The following VEGFD variants were observed in gnomAD, a reference collection of about 807,000 sequenced individuals.
VEGFD encodes the protein c-fos induced growth factor (vascular endothelial growth factor D).
In VEGFD, 26 loss-of-function variants were observed where a neutral mutation model predicts 28.0. The ratio of observed to expected loss-of-function variants is 0.93; its 90% CI spans 0.68 to 1.29. The LOEUF is 1.29. VEGFD is among the 50% of genes most tolerant of loss of function. VEGFD has a pLI of 0.00. For synonymous variants in VEGFD, 93 were observed against 95.5 expected, an observed-to-expected ratio of 0.97 and a Z score of 0.15; for missense variants, 294 against 273.4, an observed-to-expected ratio of 1.08 and a Z score of -0.53.
At chrX:15,367,800 C>G (rs1309062840) in intron 1 of VEGFD, among the ~76,000 whole-genome samples, 2 of 107,740 alleles carry the variant, frequency 1.9e-5, no homozygotes, top group African/African-American at 6.8e-5. Context: ...ACTAAAAATA[C>G]AAAAATTAGC....
chrX:15,368,027 A>AAAGG (rs1569186603), intron 1 of VEGFD, among the ~76,000 whole-genome samples: 5 of 83,082 alleles, frequency 6.0e-5, no homozygotes, highest in South Asian at 6.2e-4. Context: ...AGAAAGAAAG[A>AAAGG]AAGGAAAGAA....
chrX:15,363,016 C>T (rs1035984151), intron 2 of VEGFD, 93 bp downstream of exon 2: 12 of 773,459 alleles, frequency 1.6e-5, no homozygotes, highest in African/African-American at 8.3e-5. Flanking sequence ...CCCTCTGACA[C>T]GTGTCTGCCC....
intron 1 of VEGFD, among the ~76,000 whole-genome samples, chrX:15,373,488 T>C (rs1209547788): frequency 8.9e-6 from 1 of 112,234 alleles, no homozygotes. Flanking sequence ...CTTTGTCAAA[T>C]TGTGTTGGCA....
chrX:15,350,853 C>CTCTTTCTCTCTT (rs1555947764), intron 5 of VEGFD, among the ~76,000 whole-genome samples: 4 of 81,685 alleles, frequency 4.9e-5, no homozygotes, highest in African/African-American at 1.4e-4. Context: ...TTCTCTTTCT[C>CTCTTTCTCTCTT]TCTTTCTTTC....
At chrX:15,350,812 TC>T in intron 5 of VEGFD, among the ~76,000 whole-genome samples, 2 of 99,494 alleles carry the variant, frequency 2.0e-5, no homozygotes, top group African/African-American at 3.7e-5. Flanking sequence ...TTTCTTTCTT[TC>T]TCTCTCTCTC....
chrX:15,351,088 G>A (rs1922707106), intron 5 of VEGFD, among the ~76,000 whole-genome samples: 1 of 71,401 alleles, frequency 1.4e-5, no homozygotes, highest in Non-Finnish European at 2.5e-5. Context: ...ATGGGATTTC[G>A]CCATGTTGGC....
At chrX:15,380,667 G>T (rs1388843600) in intron 1 of VEGFD, among the ~76,000 whole-genome samples, 1 of 113,083 alleles carries the variant, frequency 8.8e-6, no homozygotes, top group Admixed American at 9.3e-5. Flanking sequence ...AGCATCTTCA[G>T]AAGACTCACA....
intron 1 of VEGFD, among the ~76,000 whole-genome samples, chrX:15,368,889 C>T (rs748850327): frequency 8.9e-6 from 1 of 112,307 alleles, no homozygotes; most frequent in African/African-American, 3.2e-5. Flanking sequence ...AGCAATTTCA[C>T]TCTTAAATAA....
At chrX:15,348,082 T>C (rs1255792737) in intron 5 of VEGFD, among the ~76,000 whole-genome samples, 1 of 112,307 alleles carries the variant, frequency 8.9e-6, no homozygotes, top group Non-Finnish European at 1.9e-5. Flanking sequence ...CTTGACTCTG[T>C]CCCTTTAGCA....
chrX:15,359,362 C>CTTTTTT (rs1171408211), intron 2 of VEGFD, among the ~76,000 whole-genome samples: 2 of 62,873 alleles, frequency 3.2e-5, no homozygotes, highest in East Asian at 5.1e-4. Flanking sequence ...CACTTGCAGG[C>CTTTTTT]TTTTTTTTTT....
At chrX:15,355,408 C>A in intron 3 of VEGFD, 110 bp from the exon 4 acceptor site, 1 of 585,532 alleles carries the variant, frequency 1.7e-6, no homozygotes, top group Non-Finnish European at 2.4e-6. Flanking sequence ...TGACTTTAGC[C>A]AAGTTGTCCA....
chrX:15,363,239 A>G lies in VEGFD; in HGVS notation c.171T>C (p.Thr57=), dbSNP rs1361727399. 1.7e-6 allele frequency: 2 copies of G among 1,209,463 alleles called. 1 individual carries two copies. Among genetic ancestry groups the G allele is most frequent in the Non-Finnish European group, 2.2e-6 (2 of 894,781 alleles). Residue 57 remains threonine (T), a synonymous_variant, in exon 2 of 7, where the codon ACT becomes ACC. Coordinates refer to ENST00000297904, the MANE Select transcript of VEGFD (RefSeq NM_004469.5). ...ASSLEELLRI[T]HSEDWKLWRC... is the part of the protein sequence containing the mutation. ...TCCACAGCTTCCAGTCCTCAGAGTG[A>G]GTAATTCGAAGTAGTTCCTCCAAAC... is the stretch of plus-strand genomic sequence containing the variant.
At chrX:15,369,555 A>C (rs1174210480) in intron 1 of VEGFD, among the ~76,000 whole-genome samples, 1 of 111,687 alleles carries the variant, frequency 9.0e-6, no homozygotes, top group Non-Finnish European at 1.9e-5. Flanking sequence ...AAGGCTGATG[A>C]AACTGTAAAA....
Position 15,353,142 on chromosome X carries a change from G to T in VEGFD, c.668C>A (p.Pro223His). 8.6e-7 allele frequency: 1 copy of T among 1,165,724 alleles called. No individual in the cohort carries two copies. Among genetic ancestry groups the T allele is most frequent in the South Asian group, 2.0e-5 (1 of 50,883 alleles). Residue 223 changes from proline (P) to histidine (H), a missense_variant, in exon 5 of 7, where the codon CCT becomes CAT. Pro to His is a moderately conservative substitution (Grantham distance 77). Coordinates refer to ENST00000297904, the MANE Select transcript of VEGFD (RefSeq NM_004469.5). ...GTTGCTATCCCATAGCATGTCAATAGGACAGAGTTTCTTGGAATGGGAACA... is the reference window on the plus strand; with the variant it reads ...GTTGCTATCCCATAGCATGTCAATATGACAGAGTTTCTTGGAATGGGAACA... ...DRCSHSKKLC[P>H]IDMLWDSNKC... is the part of the protein sequence containing the mutation.
At chrX:15,351,558 T>G (rs1287177226) in intron 5 of VEGFD, among the ~76,000 whole-genome samples, 2 of 111,946 alleles carry the variant, frequency 1.8e-5, no homozygotes, top group Non-Finnish European at 3.8e-5. Flanking sequence ...ATGAGTCACA[T>G]GGAGAAAGAA....
At chrX:15,374,894 C>T (rs1445717129) in intron 1 of VEGFD, among the ~76,000 whole-genome samples, 1 of 110,014 alleles carries the variant, frequency 9.1e-6, no homozygotes, top group Non-Finnish European at 1.9e-5. Context: ...CCTCATAAAG[C>T]TCATGAAGAG....
intron 1 of VEGFD, among the ~76,000 whole-genome samples, chrX:15,376,212 C>T (rs1335895626): frequency 8.9e-6 from 1 of 111,836 alleles, no homozygotes; most frequent in Admixed American, 9.5e-5. Flanking sequence ...TAGGACATTA[C>T]AAGACATGAT....
rs1236418592 is a variant in VEGFD, at chrX:15,345,906, T to C, written c.*227A>G. The C allele has an allele frequency of 5.2e-6, 2 of 385,276 alleles. No individual in the cohort carries two copies. Among genetic ancestry groups the C allele is most frequent in the African/African-American group, 5.1e-5 (2 of 39,451 alleles). The allele number at this position is 385,276 out of a possible 1,213,427, so 31.8% of individuals were successfully genotyped here. A position where few individuals can be genotyped will look rare whatever the true frequency, so the allele number is the denominator to read the frequency against. On this transcript the variant is annotated 3_prime_UTR_variant, in exon 7 of 7. Transcript: ENST00000297904. ...AAACTAAACAAAAGGATTACATGGG[T>C]CCCCTCCTCTCCATTCCTTGGTGCG... is the stretch of plus-strand genomic sequence containing the variant.
chrX:15,363,196 T>C lies in VEGFD; in HGVS notation c.214A>G (p.Lys72Glu). The C allele has an allele frequency of 2.5e-6, 3 of 1,211,717 alleles. No individual in the cohort carries two copies. Among genetic ancestry groups the C allele is most frequent in the Non-Finnish European group, 3.4e-6 (3 of 895,392 alleles). The change falls in exon 2 of 7, where the codon AAA becomes GAA. Residue 72 changes from lysine to glutamate, a missense_variant. Coordinates refer to ENST00000297904, the MANE Select transcript of VEGFD (RefSeq NM_004469.5). ...CGAGAGTCCATACTGGTAAAACTTT[T>C]GAGCCTCAGCCTGCATCTCCACAGC... ...WKLWRCRLRLKSFTSMDSRSA... is the reference protein window; with the variant it reads ...WKLWRCRLRLESFTSMDSRSA...
Sources: gnomAD v4.1 joint callset for allele counts (sites outside exome capture counted in the v4.1 genomes callset) on GRCh38, gnomAD v4.1.1 for gene constraint, MANE v1.5 for transcripts, NCBI Gene and HGNC (gene_info 2026-07-23, HGNC 2026-07-21) for gene names.